Variants in PCDH15 observed in about 807,000 individuals in gnomAD.
PCDH15 encodes the protein protocadherin related 15.
PCDH15 carries 129 observed loss-of-function variants against 178.5 expected under a neutral mutation model. The ratio of observed to expected loss-of-function variants is 0.72; its 90% confidence interval spans 0.63 to 0.84. PCDH15 has a LOEUF of 0.84. Ranked by LOEUF, PCDH15 falls within the 40% of genes least tolerant of loss-of-function variation. The pLI, the probability that PCDH15 is intolerant of heterozygous loss-of-function variation, is 0.00. For synonymous variants in PCDH15, 800 were observed against 732.0 expected, an observed-to-expected ratio of 1.09 and a Z score of -1.50; for missense variants, 2,230 against 2,099.9, an observed-to-expected ratio of 1.06 and a Z score of -1.21.
intron 1 of PCDH15, among the ~76,000 whole-genome samples, chr10:54,787,448 A>G (rs1416902843): frequency 6.6e-6 from 1 of 152,026 alleles, no homozygotes; most frequent in Non-Finnish European, 1.5e-5. Flanking sequence ...AGTCAACAAT[A>G]GTGTCAAAAT....
chr10:54,778,081 T>C (rs561639115), intron 1 of PCDH15, among the ~76,000 whole-genome samples: 1 of 152,324 alleles, frequency 6.6e-6, no homozygotes, highest in East Asian at 1.9e-4. Flanking sequence ...ACGAGAAACT[T>C]TGAAATTGCC....
In PCDH15 at chr10:55,062,026, T is replaced by G. The variant is rs192334214; in HGVS notation, c.-80+104550A>C. Among the ~76,000 whole-genome samples the G allele has an allele frequency of 6.3e-4, 96 of 152,226 alleles. 1 individual carries two copies. Among genetic ancestry groups the G allele is most frequent in the African/African-American group, 2.0e-3 (82 of 41,564 alleles). ...AGAGCAAGACTCATTCTCAAAAAAG[T>G]AAATAAATAAAAATTAAACAAAAGA... is the stretch of plus-strand genomic sequence containing the variant. On this transcript the variant is annotated intron_variant, in intron 2 of 5. Coordinates refer to the PCDH15 transcript ENST00000458638.
At chr10:54,512,377 G>A (rs1381385321) in intron 3 of PCDH15, among the ~76,000 whole-genome samples, 1 of 151,028 alleles carries the variant, frequency 6.6e-6, no homozygotes, top group African/African-American at 2.4e-5. Flanking sequence ...GTGTGTGTGT[G>A]TGTGTGTGTG....
chr10:54,577,169 G>T (rs1225359822), intron 2 of PCDH15, among the ~76,000 whole-genome samples: 4 of 151,544 alleles, frequency 2.6e-5, no homozygotes, highest in Admixed American at 2.6e-4. Context: ...TGCAACCTCT[G>T]CCTACTGGGT....
At chr10:55,385,807 A>G (rs1837646293) in intron 2 of PCDH15, among the ~76,000 whole-genome samples, 1 of 148,800 alleles carries the variant, frequency 6.7e-6, no homozygotes, top group Non-Finnish European at 1.5e-5. Flanking sequence ...ATAGATATGC[A>G]TATATATGCA....
intron 19 of PCDH15, 40 bp from the exon 20 acceptor site, chr10:54,020,456 CA>C (rs751308283): frequency 8.9e-6 from 14 of 1,577,856 alleles, no homozygotes; most frequent in Non-Finnish European, 1.2e-5. Flanking sequence ...GTGACGTTAC[CA>C]AAATAAAGAA....
intron 8 of PCDH15, among the ~76,000 whole-genome samples, chr10:54,277,516 T>C (rs1406065171): frequency 6.6e-6 from 1 of 151,688 alleles, no homozygotes; most frequent in Non-Finnish European, 1.5e-5. Context: ...GATTTCCAGA[T>C]ATAAAACAGA....
intron 18 of PCDH15, among the ~76,000 whole-genome samples, chr10:54,044,626 G>A (rs1446899429): frequency 6.6e-6 from 1 of 152,076 alleles, no homozygotes; most frequent in Non-Finnish European, 1.5e-5. Context: ...TGGATGAAAT[G>A]TATCATAGCA....
intron 8 of PCDH15, among the ~76,000 whole-genome samples, chr10:54,269,700 T>C (rs1321434196): frequency 6.6e-6 from 1 of 151,978 alleles, no homozygotes; most frequent in African/African-American, 2.4e-5. Flanking sequence ...ATCTTTGACA[T>C]TTTAGTTTTT....
At chr10:53,932,201 T>A (rs575328430) in intron 25 of PCDH15, among the ~76,000 whole-genome samples, 1 of 152,348 alleles carries the variant, frequency 6.6e-6, no homozygotes, top group African/African-American at 2.4e-5. Context: ...CTGCGGTCTA[T>A]GTCCAGTTTT....
intron 2 of PCDH15, among the ~76,000 whole-genome samples, chr10:55,595,666 CG>C (rs1301971760): frequency 6.6e-6 from 1 of 151,944 alleles, no homozygotes; most frequent in African/African-American, 2.4e-5. Flanking sequence ...TACCAAGTCA[CG>C]GCAATTTTTT....
At chr10:54,362,332 G>A (rs1565082773) in intron 5 of PCDH15, among the ~76,000 whole-genome samples, 2 of 151,832 alleles carry the variant, frequency 1.3e-5, no homozygotes, top group African/African-American at 4.8e-5. Context: ...ATGACAAAAG[G>A]AGTAAGAAAA....
At chr10:53,862,936 G>A (rs1359252287) in intron 27 of PCDH15, among the ~76,000 whole-genome samples, 1 of 152,156 alleles carries the variant, frequency 6.6e-6, no homozygotes, top group Non-Finnish European at 1.5e-5. Context: ...ATGAATGTGA[G>A]GTTTAGGAGA....
intron 8 of PCDH15, among the ~76,000 whole-genome samples, chr10:54,248,178 GTTTA>G (rs2056170759): frequency 6.6e-6 from 1 of 151,624 alleles, no homozygotes; most frequent in Non-Finnish European, 1.5e-5. Context: ...AATTTTGAAA[GTTTA>G]TTTAGAATTC....
chr10:54,490,318 C>G (rs558062167), intron 3 of PCDH15, among the ~76,000 whole-genome samples: 1 of 151,892 alleles, frequency 6.6e-6, no homozygotes, highest in East Asian at 1.9e-4. Context: ...GGCGTGGTGG[C>G]GGGTGCCTGT....
intron 2 of PCDH15, among the ~76,000 whole-genome samples, chr10:54,552,603 T>C (rs993432868): frequency 2.0e-5 from 3 of 152,150 alleles, no homozygotes; most frequent in Non-Finnish European, 4.4e-5. Flanking sequence ...AGCTTCCTTA[T>C]TGGTAAAAAA....
chr10:54,346,295 C>T (rs1412500874), intron 6 of PCDH15, 70 bp downstream of exon 6: 7 of 1,452,790 alleles, frequency 4.8e-6, no homozygotes, highest in African/African-American at 1.4e-5. Flanking sequence ...AATACAATAA[C>T]TATCAGCTGA....
chr10:55,366,804 A>G (rs550500188), intron 2 of PCDH15, among the ~76,000 whole-genome samples: 19 of 152,304 alleles, frequency 1.2e-4, no homozygotes, highest in African/African-American at 4.3e-4. Context: ...TTTACCTGGC[A>G]GAAGCCTAAA....
chr10:54,756,998 T>C (rs965969571), intron 1 of PCDH15, among the ~76,000 whole-genome samples: 8 of 30,774 alleles, frequency 2.6e-4, no homozygotes, highest in African/African-American at 8.6e-4. Flanking sequence ...CTTGGCTTTA[T>C]GAAGCAAGCT....
Sources: gnomAD v4.1 joint callset for allele counts (sites outside exome capture counted in the v4.1 genomes callset) on GRCh38, gnomAD v4.1.1 for gene constraint, MANE v1.5 for transcripts, NCBI Gene and HGNC (gene_info 2026-07-23, HGNC 2026-07-21) for gene names.